The following TTLL11 variants were observed in gnomAD, a reference collection of about 807,000 sequenced individuals.
TTLL11 encodes tubulin polyglutamylase TTLL11.
A neutral mutation model predicts 51.7 loss-of-function variants in TTLL11; 42 were observed. The ratio of observed to expected loss-of-function variants is 0.81; its 90% CI spans 0.64 to 1.05. TTLL11 has a LOEUF of 1.05. Ranked by LOEUF, TTLL11 falls within the 50% of genes least tolerant of loss-of-function variation. TTLL11 has a pLI of 0.00. For synonymous variants in TTLL11, 381 were observed against 383.5 expected (o/e 0.99, Z 0.08); for missense variants, 799 against 940.4 (o/e 0.85, Z 1.97).
intron 1 of TTLL11, among the ~76,000 whole-genome samples, chr9:122,042,256 C>T (rs1844866767): frequency 6.6e-6 from 1 of 152,348 alleles, no homozygotes; most frequent in Middle Eastern, 3.4e-3. Flanking sequence ...CTGCCTCGGC[C>T]TCCCCAAGTG....
At chr9:121,838,768 GCA>G (rs751273349) in intron 8 of TTLL11, among the ~76,000 whole-genome samples, 2 of 144,802 alleles carry the variant, frequency 1.4e-5, no homozygotes, top group African/African-American at 2.8e-5. Context: ...GAGAAAGCAA[GCA>G]AGCAAGCAAG....
chr9:121,866,810 T>C (rs1395519455), intron 7 of TTLL11, among the ~76,000 whole-genome samples: 1 of 152,214 alleles, frequency 6.6e-6, no homozygotes, highest in African/African-American at 2.4e-5. Context: ...TGAGTTCCTG[T>C]GCACTGGCTG....
chr9:121,884,459 C>G (rs764370592), intron 6 of TTLL11, among the ~76,000 whole-genome samples: 1 of 152,138 alleles, frequency 6.6e-6, no homozygotes, highest in South Asian at 2.1e-4. Flanking sequence ...TGACCTACCC[C>G]GTCCTGCCAA....
intron 8 of TTLL11, among the ~76,000 whole-genome samples, chr9:121,856,202 G>A (rs759569647): frequency 3.9e-5 from 6 of 152,148 alleles, no homozygotes; most frequent in Non-Finnish European, 5.9e-5. Context: ...TTCCCAAGTC[G>A]CTGGGACTAT....
At chr9:121,899,535 T>A (rs1237306942) in intron 6 of TTLL11, among the ~76,000 whole-genome samples, 1 of 151,450 alleles carries the variant, frequency 6.6e-6, no homozygotes, top group African/African-American at 2.4e-5. Context: ...TCCCAAGTGG[T>A]TGGGACTACA....
chr9:122,035,691 G>A (rs1299772119), intron 2 of TTLL11, among the ~76,000 whole-genome samples: 1 of 152,138 alleles, frequency 6.6e-6, no homozygotes, highest in African/African-American at 2.4e-5. Flanking sequence ...TCTCTTGGGT[G>A]GATGCTGCAG....
At chr9:121,935,171 C>T (rs1841153608) in intron 6 of TTLL11, among the ~76,000 whole-genome samples, 1 of 151,882 alleles carries the variant, frequency 6.6e-6, no homozygotes, top group Admixed American at 6.6e-5. Flanking sequence ...GTTGCCCAGG[C>T]TGGTCTTGAA....
intron 6 of TTLL11, among the ~76,000 whole-genome samples, chr9:121,912,735 C>A (rs1840181530): frequency 6.6e-6 from 1 of 152,016 alleles, no homozygotes; most frequent in Admixed American, 6.6e-5. Flanking sequence ...ATATTCAACA[C>A]ATACATGATA....
At chr9:122,036,275 T>C (rs1181689475) in intron 2 of TTLL11, among the ~76,000 whole-genome samples, 1 of 151,834 alleles carries the variant, frequency 6.6e-6, no homozygotes, top group East Asian at 2.0e-4. Context: ...TCCCTCCCTC[T>C]CCAGCAGAAA....
At chr9:122,055,292 T>C (rs1564377597) in intron 1 of TTLL11, among the ~76,000 whole-genome samples, 1 of 152,072 alleles carries the variant, frequency 6.6e-6, no homozygotes, top group Non-Finnish European at 1.5e-5. Context: ...GGTCCCACAA[T>C]AGTCTATCTG....
intron 1 of TTLL11, among the ~76,000 whole-genome samples, chr9:122,043,461 TTTACCTTATACCATATACAAA>T (rs1466123151): frequency 2.0e-5 from 3 of 152,194 alleles, no homozygotes; most frequent in African/African-American, 7.2e-5. Context: ...AAGTTGGACC[TTTACCTTATACCATATACAAA>T]AATTAACCCA....
Position 122,076,894 on chromosome 9 carries a change from C to T in TTLL11, c.462+15793G>A, listed in dbSNP as rs1372066531. Among the ~76,000 whole-genome samples the T allele has an allele frequency of 7.2e-5, 11 of 152,048 alleles. No homozygotes were observed. In the South Asian group the frequency reaches 8.3e-4, roughly 11 times the overall value. On this transcript the variant is annotated intron_variant, in intron 1 of 8. Transcript: ENST00000321582. ...TCACCTAGAAATGTCTTACTGACAG[C>T]GAAGACATCTAAGACAAAGGGATTT...
At chr9:122,073,537 A>C (rs931046032) in intron 1 of TTLL11, among the ~76,000 whole-genome samples, 1 of 152,242 alleles carries the variant, frequency 6.6e-6, no homozygotes, top group Non-Finnish European at 1.5e-5. Flanking sequence ...CATCAACCCA[A>C]GGTGGGGAAG....
chr9:122,020,007 G>A (rs1564361072), intron 3 of TTLL11, among the ~76,000 whole-genome samples: 1 of 152,126 alleles, frequency 6.6e-6, no homozygotes, highest in Non-Finnish European at 1.5e-5. Context: ...CAGCCATGTG[G>A]AACTGTGAGT....
rs567601007 is a variant in TTLL11, at chr9:121,822,993, C to G, written c.1841-114G>C. On this transcript the variant is annotated intron_variant, in intron 8 of 8. Transcript: ENST00000321582. This position sits in a 1 kb window ranked among gnomAD's most constrained non-coding sequence, Gnocchi z 5.8. ...AAGAGCTAGCCCCGCTCCCCACCAC[C>G]GTCTCCATTCCAGAAACTCCTAACA... 2.3e-5 allele frequency: 28 copies of G among 1,224,876 alleles called. No individual in the cohort carries two copies. Among genetic ancestry groups the G allele is most frequent in the Non-Finnish European group, 1.8e-5 (16 of 899,360 alleles). 75.9% of individuals were successfully genotyped at this position (1,224,876 alleles called of 1,614,324 possible).
intron 4 of TTLL11, among the ~76,000 whole-genome samples, chr9:121,985,471 G>T (rs1395966959): frequency 6.8e-6 from 1 of 146,046 alleles, no homozygotes; most frequent in Non-Finnish European, 1.5e-5. Context: ...TAAGAATAAA[G>T]TAAGAGAGGG....
intron 8 of TTLL11, among the ~76,000 whole-genome samples, chr9:121,857,770 C>G (rs764319246): frequency 3.9e-5 from 6 of 152,168 alleles, no homozygotes; most frequent in Non-Finnish European, 5.9e-5. Context: ...TTGCGGACAG[C>G]CCCCGTGGAT....
intron 7 of TTLL11, among the ~76,000 whole-genome samples, chr9:121,861,878 AG>A (rs1190776922): frequency 1.3e-5 from 2 of 152,196 alleles, no homozygotes; most frequent in Non-Finnish European, 2.9e-5. Context: ...ATTCTACATA[AG>A]CCCTGAATCA....
chr9:121,914,041 C>T (rs765017581), intron 6 of TTLL11, among the ~76,000 whole-genome samples: 4 of 152,150 alleles, frequency 2.6e-5, no homozygotes, highest in African/African-American at 4.8e-5. Context: ...AACTAAGGCT[C>T]AAAGAGGTGA....
Sources: allele counts gnomAD v4.1 joint callset (sites outside exome capture counted in the v4.1 genomes callset), GRCh38; gene constraint gnomAD v4.1.1; non-coding constraint Gnocchi (gnomAD v3.1); transcripts MANE v1.5; gene names NCBI Gene and HGNC (gene_info 2026-07-23, HGNC 2026-07-21).